Variants in USH2A observed in about 807,000 individuals in gnomAD.
The protein encoded by USH2A is usherin, also known as Usher syndrome 2A (autosomal recessive, mild).
Under a neutral mutation model 538.9 loss-of-function variants are expected in USH2A, and 443 were observed. That is an observed-to-expected ratio of 0.82 (90% CI 0.76 to 0.89). USH2A has a LOEUF of 0.89. Among genes scored for constraint, USH2A ranks in the 40% least tolerant of loss-of-function variants. USH2A has a pLI of 0.00. For synonymous variants in USH2A, 2,413 were observed against 2,273.5 expected (o/e 1.06, Z -1.75); for missense variants, 6,633 against 6,324.8 (o/e 1.05, Z -1.65).
chr1:216,407,690 G>T (rs575443990), intron 3 of USH2A, among the ~76,000 whole-genome samples: 1 of 152,038 alleles, frequency 6.6e-6, no homozygotes, highest in Admixed American at 6.6e-5. Context: ...ACGTTAGTGC[G>T]AATTGTTCAT....
rs532353205 is a variant in USH2A at position 215,971,631 on chromosome 1, C to G, written c.6806-855G>C. On this transcript the variant is annotated intron_variant, in intron 35 of 71. Coordinates refer to ENST00000307340, the MANE Select transcript of USH2A (RefSeq NM_206933.4). ...AAAAGAACTACAAACAAATGAACTA[C>G]CAGCTGAGGGCAAAGAGAAGAAGTT... Among the ~76,000 whole-genome samples the G allele has an allele frequency of 1.9e-3, 283 of 152,136 alleles. 2 individuals are homozygous for G. Among genetic ancestry groups the G allele is most frequent in the African/African-American group, 6.4e-3 (267 of 41,534 alleles).
At chr1:215,818,627 A>G (rs926808865) in intron 47 of USH2A, among the ~76,000 whole-genome samples, 1 of 151,806 alleles carries the variant, frequency 6.6e-6, no homozygotes, top group Non-Finnish European at 1.5e-5. Context: ...TCTGATCAAA[A>G]CTTTACTGCA....
At chr1:215,704,722 C>T (rs1392031218) in intron 61 of USH2A, among the ~76,000 whole-genome samples, 1 of 152,180 alleles carries the variant, frequency 6.6e-6, no homozygotes, top group Admixed American at 6.5e-5. Flanking sequence ...ATGATTTCCT[C>T]TTTTCTTAGA....
At chr1:216,264,324 GTC>G (rs1034956233) in intron 11 of USH2A, among the ~76,000 whole-genome samples, 50 of 151,560 alleles carry the variant, frequency 3.3e-4, no homozygotes, top group Non-Finnish European at 1.9e-4. Flanking sequence ...TTGAGGTGGG[GTC>G]TCTCTCTGTC....
chr1:216,296,463 A>G (rs930034850), intron 9 of USH2A, among the ~76,000 whole-genome samples: 2 of 152,062 alleles, frequency 1.3e-5, no homozygotes, highest in African/African-American at 4.8e-5. Context: ...CTTTCAGGAA[A>G]TACAAGTTAT....
intron 32 of USH2A, among the ~76,000 whole-genome samples, chr1:216,038,721 G>A (rs190099966): frequency 1.3e-5 from 2 of 152,054 alleles, no homozygotes; most frequent in East Asian, 3.9e-4. Flanking sequence ...CCACTTTTCT[G>A]TATTAATTTA....
At chr1:215,841,066 CA>C (rs1322942824) in intron 46 of USH2A, among the ~76,000 whole-genome samples, 1 of 152,100 alleles carries the variant, frequency 6.6e-6, no homozygotes, top group Non-Finnish European at 1.5e-5. Flanking sequence ...AATGGAAAAA[CA>C]TTCCATGCTC....
chr1:216,366,990 C>G (rs974198492), intron 3 of USH2A, among the ~76,000 whole-genome samples: 1 of 152,046 alleles, frequency 6.6e-6, no homozygotes, highest in African/African-American at 2.4e-5. Flanking sequence ...CATCTTTGCA[C>G]AACATGCAGG....
chr1:216,225,209 A>G (rs2035538284), intron 14 of USH2A, among the ~76,000 whole-genome samples: 2 of 152,184 alleles, frequency 1.3e-5, no homozygotes, highest in South Asian at 4.1e-4. Flanking sequence ...TGGTGTATAT[A>G]CAATAACAAC....
Position 215,900,226 on chromosome 1 carries a change from G to T in USH2A, c.7452-9C>A. The T allele has an allele frequency of 1.9e-6, 3 of 1,613,050 alleles. No homozygotes were observed. Among genetic ancestry groups the T allele is most frequent in the Middle Eastern group, 3.3e-4 (2 of 6,056 alleles). The stretch of plus-strand genomic sequence containing the variant: ...AAGGATTGGAAAATAACCTGTATGG[G>T]AAATAAATGTCAATTAGGAAGTTTT... On this transcript the variant is annotated splice_polypyrimidine_tract_variant and intron_variant, in intron 39 of 71. Coordinates refer to ENST00000307340, the MANE Select transcript of USH2A (RefSeq NM_206933.4).
At position 216,250,971 on chromosome 1, in the gene USH2A, C is replaced by G. The variant is rs933860919; in HGVS notation, c.2099G>C (p.Gly700Ala). The G allele has an allele frequency of 1.9e-6, 3 of 1,614,000 alleles. No individual in the cohort carries two copies. The highest frequency in any genetic ancestry group is 2.5e-6 in the Non-Finnish European group (3 of 1,179,978). Residue 700 changes from glycine to alanine, a missense_variant, in exon 12 of 72, where the codon GGG becomes GCG. Transcript: ENST00000307340. ...GCSPCNCNTS[G>A]TVDGDITCHQ... is the part of the protein sequence containing the mutation. ...ACAGGTAATATCTCCATCCACTGTC[C>G]CAGAGGTATTGCAGTTACAGGGACT...
intron 3 of USH2A, among the ~76,000 whole-genome samples, chr1:216,392,457 A>T (rs897760276): frequency 5.8e-5 from 8 of 136,986 alleles, no homozygotes; most frequent in African/African-American, 2.2e-4. Flanking sequence ...GTGCCACTGC[A>T]CTCCAGCCTG....
rs140618036 is a variant in USH2A, at chr1:216,403,512, A to G, written c.651+15002T>C. Among the ~76,000 whole-genome samples, 761 of 152,308 alleles carry G rather than the reference A, an allele frequency of 5.0e-3. 10 individuals are homozygous for G. The highest frequency in any genetic ancestry group is 0.017 in the African/African-American group (721 of 41,564). ...CCAAATTCAGATGTCATGATTGTCT[A>G]TGTAGAAAATTCCAACAAATAAAGA... On this transcript the variant is annotated intron_variant, in intron 3 of 71. Coordinates refer to ENST00000307340, the MANE Select transcript of USH2A (RefSeq NM_206933.4).
chr1:215,634,240 C>T (rs1258757146), intron 70 of USH2A, among the ~76,000 whole-genome samples: 1 of 152,172 alleles, frequency 6.6e-6, no homozygotes, highest in African/African-American at 2.4e-5. Flanking sequence ...CGGATGAAGT[C>T]CAGGCAGTGA....
chr1:216,403,677 A>G (rs2039344657), intron 3 of USH2A, among the ~76,000 whole-genome samples: 2 of 152,210 alleles, frequency 1.3e-5, no homozygotes, highest in South Asian at 2.1e-4. Context: ...TACAATCACC[A>G]AAAAGAAAAT....
chr1:216,165,563 T>C (rs1445604069), intron 21 of USH2A, among the ~76,000 whole-genome samples: 1 of 152,184 alleles, frequency 6.6e-6, no homozygotes, highest in East Asian at 1.9e-4. Context: ...CCATCAATAC[T>C]TTCAAAAACG....
intron 3 of USH2A, among the ~76,000 whole-genome samples, chr1:216,377,807 A>AAAAGAAAGAAAGAAAGAAAGAAAG (rs200931887): frequency 4.0e-5 from 2 of 49,478 alleles, no homozygotes; most frequent in African/African-American, 1.0e-4. Context: ...GAAAGAAATA[A>AAAAGAAAGAAAGAAAGAAAGAAAG]AAAGAAAGAA....
chr1:216,364,864 T>C, intron 4 of USH2A, 89 bp downstream of exon 4: 3 of 1,525,988 alleles, frequency 2.0e-6, no homozygotes, highest in East Asian at 4.6e-5. Flanking sequence ...TGAATACACG[T>C]AGATATTTTA....
chr1:216,085,080 C>A lies in USH2A; in HGVS notation c.4988-203G>T, dbSNP rs2032086921. On this transcript the variant is annotated intron_variant, in intron 24 of 71. Coordinates refer to ENST00000307340, the MANE Select transcript of USH2A (RefSeq NM_206933.4). ...TATAATGTTTAGTGCTGGTTCAAAC[C>A]CATCATATCTGCAGAAACAGATGTT... 3 of 573,602 alleles carry A rather than the reference C, an allele frequency of 5.2e-6. No individual in the cohort carries two copies. In the East Asian group the frequency reaches 8.7e-5, roughly 17 times the overall value. 35.5% of individuals were successfully genotyped at this position (573,602 alleles called of 1,614,324 possible). A position where few individuals can be genotyped will look rare whatever the true frequency, so the allele number is the denominator to read the frequency against.
Sources: allele counts gnomAD v4.1 joint callset (sites outside exome capture counted in the v4.1 genomes callset), GRCh38; gene constraint gnomAD v4.1.1; transcripts MANE v1.5; gene names NCBI Gene and HGNC (gene_info 2026-07-23, HGNC 2026-07-21).